Variants in HIVEP3 observed in about 807,000 individuals in gnomAD.
HIVEP3 encodes the protein HIVEP zinc finger 3.
Under a neutral mutation model 152.8 loss-of-function variants are expected in HIVEP3, and 49 were observed. The ratio of observed to expected loss-of-function variants is 0.32; its 90% CI spans 0.26 to 0.41. The LOEUF (loss-of-function observed/expected upper bound fraction) is 0.41. Ranked by LOEUF, HIVEP3 falls within the 10% of genes least tolerant of loss-of-function variation. The pLI is 1.00. For missense variants in HIVEP3, 2,790 were observed against 3,103.3 expected (o/e 0.90, Z 2.40); for synonymous variants, 1,269 against 1,289.0 (o/e 0.98, Z 0.33).
intron 2 of HIVEP3, among the ~76,000 whole-genome samples, chr1:41,665,712 A>ACACACACACACACACACACT (rs1645785875): frequency 6.7e-6 from 1 of 149,578 alleles, no homozygotes; most frequent in Non-Finnish European, 1.5e-5. Context: ...TGTTATACAC[A>ACACACACACACACACACACT]CACACACACA....
At chr1:41,706,799 C>G (rs578019589) in intron 1 of HIVEP3, among the ~76,000 whole-genome samples, 17 of 152,308 alleles carry the variant, frequency 1.1e-4, no homozygotes, top group Non-Finnish European at 1.6e-4. Context: ...GGACAACTTT[C>G]TCTACTGTTC....
intron 1 of HIVEP3, among the ~76,000 whole-genome samples, chr1:41,827,220 C>T (rs1275544575): frequency 6.6e-6 from 1 of 152,192 alleles, no homozygotes; most frequent in Admixed American, 6.5e-5. Context: ...TGTTCCACCA[C>T]AAATCTCCAT....
At chr1:41,732,893 T>C (rs1646862750) in intron 1 of HIVEP3, among the ~76,000 whole-genome samples, 1 of 152,064 alleles carries the variant, frequency 6.6e-6, no homozygotes, top group Admixed American at 6.6e-5. Flanking sequence ...TCAGTCCCCA[T>C]GGGAGGCAGG....
chr1:41,723,501 C>CCACACACA lies in HIVEP3; in HGVS notation c.-800-22514_-800-22507dup, dbSNP rs35823066. ...TCATACACACACACACACACAGCCA[C>CCACACACA]CACACACACACACACACACACACAC... On this transcript the variant is annotated intron_variant, in intron 1 of 8. Coordinates refer to ENST00000372583, the MANE Select transcript of HIVEP3 (RefSeq NM_024503.5). 6.3e-4 allele frequency among the ~76,000 whole-genome samples: 93 copies of CCACACACA among 146,546 alleles called. 1 individual carries two copies. Among genetic ancestry groups the CCACACACA allele is most frequent in the African/African-American group, 2.0e-3 (79 of 39,364 alleles).
intron 2 of HIVEP3, among the ~76,000 whole-genome samples, chr1:41,645,481 G>A (rs371996641): frequency 6.6e-6 from 1 of 152,202 alleles, no homozygotes; most frequent in East Asian, 1.9e-4. Context: ...CTCCTTAACA[G>A]AGTCTCCACA....
chr1:41,607,399 A>G (rs17372321), intron 3 of HIVEP3, among the ~76,000 whole-genome samples: 6,271 of 152,246 alleles, frequency 0.041, 196 homozygotes, highest in Middle Eastern at 0.099. Context: ...CCATAATGAT[A>G]TTTTACAATT....
intron 1 of HIVEP3, among the ~76,000 whole-genome samples, chr1:41,882,996 G>A (rs181955920): frequency 6.6e-6 from 1 of 152,054 alleles, no homozygotes; most frequent in Non-Finnish European, 1.5e-5. Context: ...CTGTCTAGGA[G>A]CGGGGAGCCA....
intron 2 of HIVEP3, among the ~76,000 whole-genome samples, chr1:41,646,325 T>C (rs1258989411): frequency 1.3e-5 from 2 of 152,192 alleles, no homozygotes; most frequent in African/African-American, 4.8e-5. Context: ...CCAGGCACCC[T>C]GTGTTCAGAT....
chr1:41,659,525 C>T (rs867687404), intron 2 of HIVEP3, among the ~76,000 whole-genome samples: 9 of 152,198 alleles, frequency 5.9e-5, no homozygotes, highest in South Asian at 2.1e-4. Context: ...TTCATCAAGT[C>T]CCCCTGGATG....
chr1:41,653,438 T>C (rs1645581539), intron 2 of HIVEP3, among the ~76,000 whole-genome samples: 1 of 152,144 alleles, frequency 6.6e-6, no homozygotes, highest in African/African-American at 2.4e-5. Flanking sequence ...GTTTCCCAAA[T>C]GTACTTGGCC....
At chr1:42,032,501 T>C (rs192000676) in intron 1 of HIVEP3, among the ~76,000 whole-genome samples, 52 of 152,342 alleles carry the variant, frequency 3.4e-4, no homozygotes, top group Admixed American at 2.1e-3. Context: ...TTAAGAAATC[T>C]GTTTTTGGTC....
At chr1:41,913,311 C>A (rs570991958) in intron 1 of HIVEP3, among the ~76,000 whole-genome samples, 1 of 152,328 alleles carries the variant, frequency 6.6e-6, no homozygotes, top group East Asian at 1.9e-4. Flanking sequence ...AAATGTCAAG[C>A]GTCTACTGTG....
At chr1:41,825,248 G>A (rs978777406) in intron 1 of HIVEP3, among the ~76,000 whole-genome samples, 1 of 152,112 alleles carries the variant, frequency 6.6e-6, no homozygotes, top group African/African-American at 2.4e-5. Context: ...ATGTTACAAA[G>A]TACATTCACG....
chr1:41,539,027 T>A (rs1271924961), intron 5 of HIVEP3, among the ~76,000 whole-genome samples: 1 of 152,322 alleles, frequency 6.6e-6, no homozygotes, highest in South Asian at 2.1e-4. Context: ...TGAGTATGTA[T>A]GTAAACTGAA....
chr1:41,824,774 TATATATATATAG>T (rs1642726761), intron 1 of HIVEP3, among the ~76,000 whole-genome samples: 6 of 12,824 alleles, frequency 4.7e-4, no homozygotes, highest in African/African-American at 7.2e-4. Context: ...TATATATATA[TATATATATATAG>T]AGAGAGAGAG....
chr1:41,887,502 G>C (rs1344286000), intron 1 of HIVEP3, among the ~76,000 whole-genome samples: 1 of 152,186 alleles, frequency 6.6e-6, no homozygotes, highest in Non-Finnish European at 1.5e-5. Context: ...AGAGAACTTG[G>C]TCCCTGACTT....
chr1:41,802,950 C>T (rs540100173), intron 1 of HIVEP3, among the ~76,000 whole-genome samples: 6 of 152,348 alleles, frequency 3.9e-5, no homozygotes, highest in South Asian at 2.1e-4. Context: ...ACTTCAAACA[C>T]GCTCAGAAAC....
At chr1:42,027,743 G>A (rs1181498821) in intron 1 of HIVEP3, among the ~76,000 whole-genome samples, 4 of 152,180 alleles carry the variant, frequency 2.6e-5, no homozygotes, top group Non-Finnish European at 5.9e-5. Flanking sequence ...CAAAATCATG[G>A]CGGGAGGTAA....
At position 41,580,252 on chromosome 1, in the gene HIVEP3, G is replaced by A. The variant is rs1462766171; in HGVS notation, c.4546C>T (p.Pro1516Ser). 1 of 1,613,550 alleles carries A rather than the reference G, an allele frequency of 6.2e-7. No homozygotes were observed. The highest frequency in any genetic ancestry group is 8.5e-7 in the Non-Finnish European group (1 of 1,179,784). Reference protein sequence around the residue: ...PSDTKEIPPLPHPALSHGTAP... With the variant: ...PSDTKEIPPLSHPALSHGTAP... ...GTCCCATGGGACAATGCAGGGTGAG[G>A]GAGGGGAGGAATTTCCTTTGTGTCA... Residue 1516 changes from proline (P) to serine (S), a missense_variant, in exon 4 of 9, where the codon CCT (proline) becomes TCT (serine). Around this residue, in one of 9 missense-constraint regions of HIVEP3, gnomAD observed 1,078 missense variants for 1,165.3 expected, o/e 0.93. Transcript: ENST00000372583.
Sources: gnomAD v4.1 joint callset for allele counts (sites outside exome capture counted in the v4.1 genomes callset) on GRCh38, gnomAD v4.1.1 for gene constraint, gnomAD v4.1.1 regional missense constraint, MANE v1.5 for transcripts, NCBI Gene and HGNC (gene_info 2026-07-23, HGNC 2026-07-21) for gene names.